The following JAK1 variants were observed in gnomAD, a reference collection of about 807,000 sequenced individuals.
JAK1 encodes tyrosine-protein kinase JAK1.
Under a neutral mutation model 136.6 loss-of-function variants are expected in JAK1, and 16 were observed. The ratio of observed to expected loss-of-function variants is 0.12; its 90% CI spans 0.08 to 0.18. The LOEUF (loss-of-function observed/expected upper bound fraction) is 0.18. Ranked by LOEUF, JAK1 falls within the 10% of genes least tolerant of loss-of-function variation. The pLI, the probability that JAK1 is intolerant of heterozygous loss-of-function variation, is 1.00. For missense variants in JAK1, 859 were observed against 1,450.1 expected, an observed-to-expected ratio of 0.59 and a Z score of 6.62; for synonymous variants, 492 against 519.5, an observed-to-expected ratio of 0.95 and a Z score of 0.72.
upstream of JAK1, among the ~76,000 whole-genome samples, chr1:64,970,443 A>G (rs1201673414): frequency 6.6e-6 from 1 of 151,610 alleles, no homozygotes; most frequent in Non-Finnish European, 1.5e-5. Context: ...TTCCATCTCA[A>G]AAAAACAAAA....
At chr1:64,888,294 G>A (rs1222954417) in intron 1 of JAK1, among the ~76,000 whole-genome samples, 3 of 152,194 alleles carry the variant, frequency 2.0e-5, no homozygotes, top group Non-Finnish European at 4.4e-5. Flanking sequence ...TGATTCTCAT[G>A]CCTCAGCCTC....
chr1:64,968,319 G>C (rs1019780437), upstream of JAK1, among the ~76,000 whole-genome samples: 1 of 152,106 alleles, frequency 6.6e-6, no homozygotes, highest in Non-Finnish European at 1.5e-5. Context: ...CTAGGTTCCT[G>C]ACCTCTGAAT....
intron 12 of JAK1, among the ~76,000 whole-genome samples, chr1:64,848,397 C>T (rs2780899): frequency 0.4 from 60,917 of 152,052 alleles, 13,446 homozygotes; most frequent in African/African-American, 0.59. Flanking sequence ...TGCATGCACG[C>T]TAGGATTTAA....
chr1:65,011,073 T>C (rs1053146822), intron 2 of JAK1, among the ~76,000 whole-genome samples: 2 of 152,264 alleles, frequency 1.3e-5, no homozygotes, highest in African/African-American at 2.4e-5. Flanking sequence ...TTCATTTTCA[T>C]GTATATGATC....
intron 1 of JAK1, among the ~76,000 whole-genome samples, chr1:64,900,336 T>C (rs1011468673): frequency 6.6e-6 from 1 of 152,114 alleles, no homozygotes; most frequent in African/African-American, 2.4e-5. Flanking sequence ...TCTAAGAAGG[T>C]AAAGGGAACA....
At chr1:64,837,806 C>A in intron 22 of JAK1, 126 bp downstream of exon 22, 1 of 720,826 alleles carries the variant, frequency 1.4e-6, no homozygotes, top group Non-Finnish European at 2.2e-6. Flanking sequence ...TCCAAATGTT[C>A]TAAACCTTCT....
At chr1:65,048,978 T>C (rs1019605724) in intron 1 of JAK1, among the ~76,000 whole-genome samples, 6 of 152,242 alleles carry the variant, frequency 3.9e-5, no homozygotes, top group Non-Finnish European at 8.8e-5. Flanking sequence ...TGTTAGTACC[T>C]TGTCCACTAT....
intron 2 of JAK1, among the ~76,000 whole-genome samples, chr1:65,006,258 C>G (rs1465008203): frequency 6.6e-6 from 1 of 152,318 alleles, no homozygotes; most frequent in East Asian, 1.9e-4. Flanking sequence ...TCCACACAGA[C>G]TGAAATATTT....
At chr1:64,988,930 G>A (rs1646625775) in intron 2 of JAK1, among the ~76,000 whole-genome samples, 1 of 144,550 alleles carries the variant, frequency 6.9e-6, no homozygotes, top group East Asian at 2.0e-4. Flanking sequence ...GTATGTATGT[G>A]TATATATATA....
At chr1:64,861,306 T>G (rs1311976833) in intron 8 of JAK1, among the ~76,000 whole-genome samples, 9 of 152,018 alleles carry the variant, frequency 5.9e-5, no homozygotes, top group Admixed American at 5.9e-4. Context: ...CCTAGGGAGC[T>G]CTGAGAGTTG....
chr1:64,854,442 C>T (rs1439212947), intron 11 of JAK1, among the ~76,000 whole-genome samples: 1 of 152,104 alleles, frequency 6.6e-6, no homozygotes, highest in Non-Finnish European at 1.5e-5. Flanking sequence ...CAAAATAAAC[C>T]GTTCTCAAGA....
chr1:64,833,720 G>T lies in JAK1; in HGVS notation c.*842C>A. 4.3e-6 allele frequency: 1 copy of T among 233,026 alleles called. No homozygotes were observed. Among genetic ancestry groups the T allele is most frequent in the Non-Finnish European group, 8.5e-6 (1 of 117,878 alleles). The allele number at this position is 233,026 out of a possible 1,614,324, so 14.4% of individuals were successfully genotyped here. Reference sequence around the variant, plus strand: ...GCATACAGCATTCAAAACCAGTGCTGGAATAGCTTGCCCCAAAGTGGTAGA... The same window carrying T: ...GCATACAGCATTCAAAACCAGTGCTTGAATAGCTTGCCCCAAAGTGGTAGA... On this transcript the variant is annotated 3_prime_UTR_variant, in exon 25 of 25. Coordinates refer to ENST00000342505, the MANE Select transcript of JAK1 (RefSeq NM_002227.4).
intron 1 of JAK1, among the ~76,000 whole-genome samples, chr1:64,951,017 C>T (rs1646076227): frequency 6.6e-6 from 1 of 152,148 alleles, no homozygotes; most frequent in East Asian, 1.9e-4. Flanking sequence ...TCATTGTGTG[C>T]TAATAACCCT....
At chr1:64,985,272 A>G (rs574256097) in intron 2 of JAK1, 1 of 1,608,734 alleles carries the variant, frequency 6.2e-7, no homozygotes, top group African/African-American at 1.3e-5. Flanking sequence ...GAGCTGGAGC[A>G]TGATGGAAAT....
At chr1:65,064,343 C>T (rs1647950344) in intron 1 of JAK1, among the ~76,000 whole-genome samples, 2 of 152,202 alleles carry the variant, frequency 1.3e-5, no homozygotes, top group South Asian at 4.1e-4. Context: ...CTGTCTCTGT[C>T]ACCTGGATTC....
upstream of JAK1, among the ~76,000 whole-genome samples, chr1:64,969,897 AGTTCAGGAGTTCAAAATGG>A (rs1270724696): frequency 3.9e-5 from 6 of 152,250 alleles, no homozygotes; most frequent in South Asian, 8.3e-4. Context: ...GCATTTTGGG[AGTTCAGGAGTTCAAAATGG>A]GTTCAGGAGT....
chr1:65,067,375 G>C (rs941544884), intron 1 of JAK1, among the ~76,000 whole-genome samples: 2 of 149,246 alleles, frequency 1.3e-5, no homozygotes, highest in Non-Finnish European at 3.0e-5. Context: ...GAGCCGCTCT[G>C]TGCGCCCCAC....
intron 1 of JAK1, among the ~76,000 whole-genome samples, chr1:65,056,246 TA>T (rs1320367075): frequency 6.6e-6 from 1 of 152,196 alleles, no homozygotes; most frequent in Non-Finnish European, 1.5e-5. Context: ...GTAGCTTATA[TA>T]GCTTAGAGAA....
chr1:64,834,691 G>A, intron 24 of JAK1, 34 bp from the exon 25 acceptor site: 12 of 1,341,794 alleles, frequency 8.9e-6, no homozygotes, highest in Non-Finnish European at 1.3e-5. Context: ...CAGTAAAAAT[G>A]TTAGATCTGG....
Sources: gnomAD v4.1 joint callset for allele counts (sites outside exome capture counted in the v4.1 genomes callset) on GRCh38, gnomAD v4.1.1 for gene constraint, MANE v1.5 for transcripts, NCBI Gene and HGNC (gene_info 2026-07-23, HGNC 2026-07-21) for gene names.